The following SMYD3 variants were observed in gnomAD, a reference collection of about 807,000 sequenced individuals.
The protein encoded by SMYD3 is histone-lysine N-methyltransferase SMYD3.
In SMYD3, 36 loss-of-function variants were observed where a neutral mutation model predicts 57.7. That is an observed-to-expected ratio of 0.62 (90% CI 0.48 to 0.82). The LOEUF (loss-of-function observed/expected upper bound fraction) is 0.82, where lower values mean the gene tolerates loss of function less well. Among genes scored for constraint, SMYD3 ranks in the 40% least tolerant of loss-of-function variants. The probability of loss-of-function intolerance (pLI) is 0.00; values close to 1 mark genes in which losing one functional copy is unlikely to be tolerated. For synonymous variants in SMYD3, 211 were observed against 195.0 expected (o/e 1.08, Z -0.68); for missense variants, 515 against 538.8 (o/e 0.96, Z 0.44).
At chr1:246,212,726 G>C (rs1261891992) in intron 5 of SMYD3, among the ~76,000 whole-genome samples, 1 of 152,038 alleles carries the variant, frequency 6.6e-6, no homozygotes, top group African/African-American at 2.4e-5. Context: ...AGTTTCCCAA[G>C]CATTTTTAGA....
intron 5 of SMYD3, among the ~76,000 whole-genome samples, chr1:245,939,186 T>C (rs1031382659): frequency 6.6e-6 from 1 of 151,154 alleles, no homozygotes; most frequent in Non-Finnish European, 1.5e-5. Context: ...AAAAAAAGAA[T>C]GTGAAGAAAA....
At chr1:246,263,966 C>A (rs2064058691) in intron 5 of SMYD3, among the ~76,000 whole-genome samples, 1 of 152,100 alleles carries the variant, frequency 6.6e-6, no homozygotes, top group African/African-American at 2.4e-5. Context: ...GATGCCTACA[C>A]AACCAACAAA....
chr1:245,774,130 A>G (rs753141670), intron 10 of SMYD3, among the ~76,000 whole-genome samples: 3 of 152,194 alleles, frequency 2.0e-5, no homozygotes, highest in Non-Finnish European at 4.4e-5. Flanking sequence ...GTCAGGCCAG[A>G]ATGTGAGTGA....
chr1:246,050,679 G>A (rs925348204), intron 5 of SMYD3, among the ~76,000 whole-genome samples: 1 of 152,136 alleles, frequency 6.6e-6, no homozygotes, highest in Non-Finnish European at 1.5e-5. Context: ...CGCTGAGACT[G>A]CCGGAAGATT....
At chr1:245,940,873 T>G (rs2057213696) in intron 5 of SMYD3, among the ~76,000 whole-genome samples, 1 of 152,126 alleles carries the variant, frequency 6.6e-6, no homozygotes, top group Non-Finnish European at 1.5e-5. Flanking sequence ...CTTCACTGAG[T>G]TAAAGTAGTT....
intron 5 of SMYD3, among the ~76,000 whole-genome samples, chr1:246,095,074 GCTC>G (rs1558223324): frequency 6.6e-6 from 1 of 152,054 alleles, no homozygotes; most frequent in Non-Finnish European, 1.5e-5. Flanking sequence ...TGAACTGCAG[GCTC>G]CTCTTCTGGG....
At chr1:246,239,558 C>T (rs2063569956) in intron 5 of SMYD3, among the ~76,000 whole-genome samples, 1 of 152,190 alleles carries the variant, frequency 6.6e-6, no homozygotes, top group Non-Finnish European at 1.5e-5. Context: ...CATACGTGTG[C>T]ATGTGTCTTT....
intron 8 of SMYD3, among the ~76,000 whole-genome samples, chr1:245,892,267 G>C (rs1387205742): frequency 6.6e-6 from 1 of 152,110 alleles, no homozygotes; most frequent in Non-Finnish European, 1.5e-5. Context: ...CTCCCAAATA[G>C]ACTATTTCCC....
At chr1:246,435,575 A>C (rs1177185325) in intron 1 of SMYD3, among the ~76,000 whole-genome samples, 3 of 152,020 alleles carry the variant, frequency 2.0e-5, no homozygotes, top group Admixed American at 2.0e-4. Context: ...GATAAGGAAC[A>C]GTCAGGACAA....
chr1:246,169,268 T>C (rs1004900840), intron 5 of SMYD3, among the ~76,000 whole-genome samples: 1 of 150,986 alleles, frequency 6.6e-6, no homozygotes, highest in African/African-American at 2.4e-5. Flanking sequence ...ATAGATAGGA[T>C]GGAAGAGGTA....
chr1:246,407,386 G>GACA (rs2066884009), intron 1 of SMYD3, among the ~76,000 whole-genome samples: 1 of 152,200 alleles, frequency 6.6e-6, no homozygotes, highest in Non-Finnish European at 1.5e-5. Context: ...GAATCCCAAA[G>GACA]ACAACACAGC....
chr1:246,397,354 G>A (rs2066689870), intron 1 of SMYD3, among the ~76,000 whole-genome samples: 1 of 152,138 alleles, frequency 6.6e-6, no homozygotes, highest in South Asian at 2.1e-4. Context: ...GATCTTCCAA[G>A]AAACCAGTCC....
intron 5 of SMYD3, among the ~76,000 whole-genome samples, chr1:246,266,038 G>A (rs918027100): frequency 6.6e-6 from 1 of 152,070 alleles, no homozygotes; most frequent in East Asian, 1.9e-4. Flanking sequence ...TTTTGAGCTC[G>A]CAATCATTTG....
chr1:246,253,481 G>A (rs1297115816), intron 5 of SMYD3, among the ~76,000 whole-genome samples: 1 of 152,128 alleles, frequency 6.6e-6, no homozygotes, highest in African/African-American at 2.4e-5. Flanking sequence ...TGTATTCTGT[G>A]GTGTATATGT....
chr1:246,314,548 G>C (rs1024942255), intron 5 of SMYD3, among the ~76,000 whole-genome samples: 3 of 152,188 alleles, frequency 2.0e-5, no homozygotes, highest in African/African-American at 7.2e-5. Context: ...GCGGCACTAG[G>C]AAACTTGTGA....
rs866453234 is a variant in SMYD3 at position 246,232,856 on chromosome 1, G to T, written c.531+94345C>A. 2.0e-4 allele frequency among the ~76,000 whole-genome samples: 12 copies of T among 61,420 alleles called. 1 individual carries two copies. The highest frequency in any genetic ancestry group is 6.8e-4 in the African/African-American group (11 of 16,260). 40.3% of individuals were successfully genotyped at this position (61,420 alleles called of 152,430 possible). On this transcript the variant is annotated intron_variant, in intron 5 of 11. Coordinates refer to ENST00000490107, the MANE Select transcript of SMYD3 (RefSeq NM_001167740.2). ...AACATATACCACACAGGGGAGAAGC[G>T]CTCCTCAATTCACACTGTGATGAAC...
intron 8 of SMYD3, among the ~76,000 whole-genome samples, chr1:245,877,144 C>T (rs865776613): frequency 1.1e-3 from 165 of 152,282 alleles, no homozygotes; most frequent in Middle Eastern, 3.4e-3. Context: ...GGCGGCGCTG[C>T]GGAGACGGGG....
At chr1:246,318,472 A>G (rs2148646055) in intron 5 of SMYD3, among the ~76,000 whole-genome samples, 1 of 152,326 alleles carries the variant, frequency 6.6e-6, no homozygotes, top group South Asian at 2.1e-4. Flanking sequence ...ACATTCCTTC[A>G]ATCCGTCAAA....
chr1:246,276,638 T>TG (rs1238377980), intron 5 of SMYD3, among the ~76,000 whole-genome samples: 1 of 152,000 alleles, frequency 6.6e-6, no homozygotes, highest in African/African-American at 2.4e-5. Context: ...GGTTATTTAA[T>TG]GTTTCTAGTG....
Sources: gnomAD v4.1 joint callset for allele counts (sites outside exome capture counted in the v4.1 genomes callset) on GRCh38, gnomAD v4.1.1 for gene constraint, MANE v1.5 for transcripts, NCBI Gene and HGNC (gene_info 2026-07-23, HGNC 2026-07-21) for gene names.